Variants in SEC24B observed in about 807,000 individuals in gnomAD.
SEC24B encodes the protein SEC24 homolog B, COPII component.
A neutral mutation model predicts 142.8 loss-of-function variants in SEC24B; 45 were observed. That is an observed-to-expected ratio of 0.32 (90% CI 0.25 to 0.40). The LOEUF is 0.40. SEC24B is among the 10% of genes least tolerant of loss of function. The pLI is 1.00. For synonymous variants in SEC24B, 574 were observed against 568.2 expected (o/e 1.01, Z -0.15); for missense variants, 1,409 against 1,526.8 (o/e 0.92, Z 1.29).
rs778878589 is a variant in SEC24B, at chr4:109,527,399, G to A, written c.3043G>A (p.Val1015Ile). ...SLADVYAGVD[V>I]QAAICLLANM... is the part of the protein sequence containing the mutation. ...AGCAGATGTATATGCGGGAGTGGAT[G>A]TACAAGCTGCCATCTGCCTTCTGGC... Residue 1015 changes from valine to isoleucine, a missense_variant, in exon 18 of 24, where the codon GTA becomes ATA. Val to Ile is a conservative substitution (Grantham distance 29). Transcript: ENST00000265175. 23 of 1,612,874 alleles carry A rather than the reference G, an allele frequency of 1.4e-5. No homozygotes were observed. The East Asian group carries it at 4.2e-4, about 30-fold the overall frequency.
intron 6 of SEC24B, 92 bp downstream of exon 6, chr4:109,494,948 A>ATC: frequency 6.8e-7 from 1 of 1,475,418 alleles, no homozygotes; most frequent in Non-Finnish European, 9.3e-7. Context: ...ATCCAAGTGG[A>ATC]ACTTAGGTAC....
chr4:109,447,793 T>G (rs1729622409), intron 1 of SEC24B, among the ~76,000 whole-genome samples: 2 of 152,192 alleles, frequency 1.3e-5, no homozygotes, highest in South Asian at 4.1e-4. Flanking sequence ...GACCACAAAT[T>G]GGTGGCTTCA....
At chr4:109,482,062 A>C (rs1733797152) in intron 4 of SEC24B, among the ~76,000 whole-genome samples, 1 of 152,240 alleles carries the variant, frequency 6.6e-6, no homozygotes, top group Non-Finnish European at 1.5e-5. Flanking sequence ...CCCATGTCAC[A>C]TGCAAAATAA....
intron 2 of SEC24B, among the ~76,000 whole-genome samples, chr4:109,465,484 G>C (rs1487639424): frequency 6.6e-6 from 1 of 152,190 alleles, no homozygotes; most frequent in African/African-American, 2.4e-5. Flanking sequence ...GCTTGGCCTA[G>C]AGGTCAGTTT....
At chr4:109,529,713 A>G (rs1724682623) in intron 18 of SEC24B, among the ~76,000 whole-genome samples, 1 of 152,158 alleles carries the variant, frequency 6.6e-6, no homozygotes, top group African/African-American at 2.4e-5. Flanking sequence ...AAAAATATGC[A>G]TTTCACTAAT....
chr4:109,458,753 A>G (rs1730958841), intron 1 of SEC24B, among the ~76,000 whole-genome samples: 1 of 152,180 alleles, frequency 6.6e-6, no homozygotes, highest in South Asian at 2.1e-4. Flanking sequence ...GCAAAAAGAA[A>G]ATACTGGGTG....
intron 7 of SEC24B, among the ~76,000 whole-genome samples, chr4:109,509,124 G>A (rs567501903): frequency 6.6e-6 from 1 of 152,286 alleles, no homozygotes; most frequent in African/African-American, 2.4e-5. Context: ...AGAGATCTGG[G>A]TGAAGTGAGA....
At chr4:109,533,188 G>A (rs17040510) in intron 21 of SEC24B, among the ~76,000 whole-genome samples, 26,559 of 152,060 alleles carry the variant, frequency 0.17, 2,614 homozygotes, top group African/African-American at 0.27. Context: ...GTTGTTGAAG[G>A]GAGTTAGAAT....
In SEC24B at chr4:109,511,953, C is replaced by G. The variant is rs752378220; in HGVS notation, c.1777-4C>G. On this transcript the variant is annotated splice_region_variant and splice_polypyrimidine_tract_variant and intron_variant, in intron 8 of 23. Transcript: ENST00000265175. The stretch of plus-strand genomic sequence containing the variant: ...TGCTACAGCTTCTTTATTTTATTTC[C>G]TAGCAATTACCAGTGATAACATCAA... 39 of 1,609,572 alleles carry G rather than the reference C, an allele frequency of 2.4e-5. No homozygotes were observed. In the Admixed American group the frequency reaches 6.3e-4, roughly 26 times the overall value.
intron 2 of SEC24B, among the ~76,000 whole-genome samples, chr4:109,468,502 A>G (rs1432852702): frequency 6.6e-6 from 1 of 152,242 alleles, no homozygotes; most frequent in Non-Finnish European, 1.5e-5. Context: ...AAAGAAAAAC[A>G]TACTCCTTGT....
chr4:109,464,070 TG>T (rs1213415066), intron 2 of SEC24B, among the ~76,000 whole-genome samples: 8 of 152,192 alleles, frequency 5.3e-5, no homozygotes, highest in Non-Finnish European at 4.4e-5. Flanking sequence ...AGCAGTGCAC[TG>T]GTTTCCCCAA....
At position 109,523,727 on chromosome 4, in the gene SEC24B, T is replaced by G. The variant is rs566649134; in HGVS notation, c.2509-1091T>G. Among the ~76,000 whole-genome samples, 6 of 152,292 alleles carry G rather than the reference T, an allele frequency of 3.9e-5. No individual in the cohort carries two copies. In the South Asian group the frequency reaches 1.0e-3, roughly 26 times the overall value. On this transcript the variant is annotated intron_variant, in intron 14 of 23. Transcript: ENST00000265175. ...ATAAATCTTTAGCCACATATCCAGA[T>G]TTGCCTTAGGATAAATTCCTAGAAG...
intron 6 of SEC24B, among the ~76,000 whole-genome samples, chr4:109,505,030 T>C (rs1736536993): frequency 6.6e-6 from 1 of 151,996 alleles, no homozygotes; most frequent in Admixed American, 6.6e-5. Flanking sequence ...ATAGAAACAA[T>C]GGAAGGATTA....
In SEC24B at chr4:109,530,385, C is replaced by G. The variant is rs1724772090; in HGVS notation, c.3173C>G (p.Ser1058Ter). Residue 1058 changes from serine to a stop codon, truncating the protein, a stop_gained, in exon 19 of 24, where the codon TCA (serine) becomes TGA (stop). Transcript: ENST00000265175. LOFTEE classifies it high-confidence loss of function. Reference protein sequence around the residue: ...DSLSAYGSTVSNLQHSALMAP... With the variant: ...DSLSAYGSTV ...TTGTCTGCATATGGCTCAACTGTCT[C>G]AAATTTACAGCACTCTGCATTGATG... is the stretch of plus-strand genomic sequence containing the variant. 6.2e-7 allele frequency: 1 copy of G among 1,614,000 alleles called. No individual in the cohort carries two copies. Among genetic ancestry groups the G allele is most frequent in the African/African-American group, 1.3e-5 (1 of 74,914 alleles).
At chr4:109,527,570 A>G in intron 18 of SEC24B, 138 bp downstream of exon 18, 1 of 612,268 alleles carries the variant, frequency 1.6e-6, no homozygotes, top group Non-Finnish European at 2.9e-6. Flanking sequence ...CAGGAGTTTG[A>G]GACCAGGCTG....
At chr4:109,434,964 A>T (rs1448034309) in intron 1 of SEC24B, among the ~76,000 whole-genome samples, 2 of 152,186 alleles carry the variant, frequency 1.3e-5, no homozygotes, top group Non-Finnish European at 2.9e-5. Context: ...CTCCTTACAG[A>T]CTTCTTAGTA....
At chr4:109,494,579 T>C (rs1329962770) in intron 5 of SEC24B, 36 bp from the exon 6 acceptor site, 12 of 1,609,904 alleles carry the variant, frequency 7.5e-6, no homozygotes, top group Non-Finnish European at 9.3e-6. Flanking sequence ...GAGTCTTGAT[T>C]TTCAGTTGTT....
intron 7 of SEC24B, among the ~76,000 whole-genome samples, chr4:109,508,619 C>T (rs1360399306): frequency 2.0e-5 from 3 of 151,752 alleles, no homozygotes; most frequent in East Asian, 3.9e-4. Context: ...ATAAGAGAAC[C>T]CATAGGTAAG....
intron 1 of SEC24B, among the ~76,000 whole-genome samples, chr4:109,454,267 A>G (rs1054912373): frequency 6.6e-6 from 1 of 152,102 alleles, no homozygotes; most frequent in African/African-American, 2.4e-5. Flanking sequence ...GGCTGGGTGC[A>G]GTAGCTCTCG....
Sources: gnomAD v4.1 joint callset for allele counts (sites outside exome capture counted in the v4.1 genomes callset) on GRCh38, gnomAD v4.1.1 for gene constraint, MANE v1.5 for transcripts, NCBI Gene and HGNC (gene_info 2026-07-23, HGNC 2026-07-21) for gene names.